LIPA: variants seen among roughly 807,000 people sequenced by gnomAD.
LIPA encodes the protein lysosomal acid lipase/cholesteryl ester hydrolase.
A neutral mutation model predicts 40.6 loss-of-function variants in LIPA; 26 were observed. The ratio of observed to expected loss-of-function variants is 0.64; its 90% CI spans 0.47 to 0.89. The LOEUF (loss-of-function observed/expected upper bound fraction) is 0.89, where lower values mean the gene tolerates loss of function less well. LIPA is among the 40% of genes least tolerant of loss of function. The pLI is 0.00. For synonymous variants in LIPA, 188 were observed against 168.4 expected, an observed-to-expected ratio of 1.12 and a Z score of -0.90; for missense variants, 455 against 479.6, an observed-to-expected ratio of 0.95 and a Z score of 0.48.
intron 1 of LIPA, among the ~76,000 whole-genome samples, chr10:89,322,582 C>T (rs1044648505): frequency 1.4e-5 from 2 of 147,716 alleles, no homozygotes; most frequent in African/African-American, 5.0e-5. Context: ...ACCCCACCAC[C>T]GTGCTTCTAG....
At chr10:89,232,284 T>G (rs1390762159) in intron 3 of LIPA, among the ~76,000 whole-genome samples, 1 of 152,150 alleles carries the variant, frequency 6.6e-6, no homozygotes, top group Non-Finnish European at 1.5e-5. Flanking sequence ...GTCACAGCTC[T>G]TTAGGTATGT....
chr10:89,269,330 T>C (rs1038654258), intron 1 of LIPA, among the ~76,000 whole-genome samples: 1 of 152,108 alleles, frequency 6.6e-6, no homozygotes, highest in African/African-American at 2.4e-5. Context: ...AAAATAATAA[T>C]AATACTTTAA....
chr10:89,290,459 T>C (rs1843367581), intron 1 of LIPA, among the ~76,000 whole-genome samples: 1 of 152,076 alleles, frequency 6.6e-6, no homozygotes, highest in Admixed American at 6.5e-5. Flanking sequence ...ACTTCAATAC[T>C]ATTTTATGCT....
intron 2 of LIPA, chr10:89,392,773 A>T: frequency 1.3e-6 from 2 of 1,551,454 alleles, no homozygotes; most frequent in Non-Finnish European, 1.8e-6. Context: ...AAAAATGGTA[A>T]TTAAATACTA....
chr10:89,233,998 T>A (rs6586177), intron 3 of LIPA, among the ~76,000 whole-genome samples: 17,442 of 151,816 alleles, frequency 0.11, 2,174 homozygotes, highest in African/African-American at 0.31. Flanking sequence ...CTCGAGGGAG[T>A]CAGACACACG....
chr10:89,384,886 G>A, intron 2 of LIPA: 1 of 628,644 alleles, frequency 1.6e-6, no homozygotes, highest in Non-Finnish European at 2.7e-6. Context: ...TATGTAGCAT[G>A]CAACTGCAAC....
At chr10:89,254,764 A>G (rs995781231), upstream of LIPA, among the ~76,000 whole-genome samples, 1 of 152,122 alleles carries the variant, frequency 6.6e-6, no homozygotes, top group African/African-American at 2.4e-5. Flanking sequence ...CCAAGTCACC[A>G]TTTCAATGTT....
chr10:89,263,071 C>G lies in LIPA; in HGVS notation c.-1-15422G>C, dbSNP rs77253361. ...CCTTACCTCTTTCTTCCTAGAACTT[C>G]TCTTCACATACAAAATAGATATAGG... On this transcript the variant is annotated intron_variant, in intron 1 of 5. Coordinates refer to the LIPA transcript ENST00000282673. Among the ~76,000 whole-genome samples, 263 of 152,346 alleles carry G rather than the reference C, an allele frequency of 1.7e-3. 1 individual carries two copies. The highest frequency in any genetic ancestry group is 6.2e-3 in the African/African-American group (258 of 41,588).
chr10:89,414,669 G>A, upstream of LIPA: 4 of 1,069,722 alleles, frequency 3.7e-6, no homozygotes, highest in South Asian at 3.5e-5. Context: ...CCGAGTCCAG[G>A]GGCTGCAGAG....
At chr10:89,258,517 G>A (rs1043214759) in intron 1 of LIPA, among the ~76,000 whole-genome samples, 11 of 152,134 alleles carry the variant, frequency 7.2e-5, no homozygotes, top group Admixed American at 7.2e-4. Flanking sequence ...ATACCCACTA[G>A]GATAGCTATA....
At chr10:89,352,074 A>C (rs1843962197) in intron 2 of LIPA, among the ~76,000 whole-genome samples, 1 of 152,180 alleles carries the variant, frequency 6.6e-6, no homozygotes, top group African/African-American at 2.4e-5. Context: ...TTTAACCAGA[A>C]TTCTTTCCTA....
intron 1 of LIPA, among the ~76,000 whole-genome samples, chr10:89,313,797 T>A (rs1037088061): frequency 1.3e-5 from 2 of 152,156 alleles, no homozygotes; most frequent in Non-Finnish European, 2.9e-5. Flanking sequence ...AAGTCACATA[T>A]TGTATGATTC....
At chr10:89,328,636 A>G (rs1390016821) in intron 1 of LIPA, among the ~76,000 whole-genome samples, 1 of 152,220 alleles carries the variant, frequency 6.6e-6, no homozygotes, top group Non-Finnish European at 1.5e-5. Context: ...TAAGGTGGGA[A>G]GTGGAAGAAA....
chr10:89,270,370 T>G (rs964101827), intron 1 of LIPA, among the ~76,000 whole-genome samples: 2 of 152,224 alleles, frequency 1.3e-5, no homozygotes, highest in Non-Finnish European at 2.9e-5. Context: ...TGACAGTATT[T>G]GCTGATTTAG....
chr10:89,363,336 G>T (rs549601162), intron 2 of LIPA: 4 of 152,236 alleles, frequency 2.6e-5, no homozygotes, highest in Admixed American at 6.5e-5. Context: ...TATGCAGAGG[G>T]AGGTGAACAC....
intron 1 of LIPA, chr10:89,332,521 C>G (rs73368528): frequency 6.8e-6 from 11 of 1,609,334 alleles, no homozygotes; most frequent in Non-Finnish European, 9.3e-6. Context: ...GACCTAACAG[C>G]ACCCTGGGTG....
intron 1 of LIPA, among the ~76,000 whole-genome samples, chr10:89,263,686 G>T (rs960281391): frequency 6.6e-6 from 1 of 152,236 alleles, no homozygotes; most frequent in Non-Finnish European, 1.5e-5. Context: ...TGTGGCTGTT[G>T]GCACCTTTGC....
At chr10:89,217,901 TA>T (rs1842648078) in intron 8 of LIPA, among the ~76,000 whole-genome samples, 2 of 152,170 alleles carry the variant, frequency 1.3e-5, no homozygotes, top group South Asian at 4.1e-4. Context: ...AAATAATAGA[TA>T]TTTGGGTAAA....
chr10:89,306,393 G>T (rs34783616), intron 1 of LIPA: 1 of 1,614,138 alleles, frequency 6.2e-7, no homozygotes, highest in African/African-American at 1.3e-5. Context: ...GGGTGGACAC[G>T]GTTAAAGTGT....
Sources: allele counts gnomAD v4.1 joint callset (sites outside exome capture counted in the v4.1 genomes callset), GRCh38; gene constraint gnomAD v4.1.1; transcripts MANE v1.5; gene names NCBI Gene and HGNC (gene_info 2026-07-23, HGNC 2026-07-21).